GSKIP: variants seen among roughly 807,000 people sequenced by gnomAD.
The protein encoded by GSKIP is GSK3B-interacting protein.
In GSKIP, 5 loss-of-function variants were observed where a neutral mutation model predicts 11.9. The ratio of observed to expected loss-of-function variants is 0.42; its 90% confidence interval spans 0.22 to 0.89. The LOEUF is 0.89. Among genes scored for constraint, GSKIP ranks in the 40% least tolerant of loss-of-function variants. The probability of loss-of-function intolerance (pLI) is 0.29; values close to 1 mark genes in which losing one functional copy is unlikely to be tolerated. For missense variants in GSKIP, 150 were observed against 166.6 expected (o/e 0.90, Z 0.55); for synonymous variants, 70 against 62.9 (o/e 1.11, Z -0.54).
intron 1 of GSKIP, among the ~76,000 whole-genome samples, chr14:96,372,685 C>G (rs868697545): frequency 1.3e-5 from 2 of 152,150 alleles, no homozygotes; most frequent in East Asian, 3.9e-4. Context: ...GCCTGTTGCC[C>G]TATTGTATTG....
At chr14:96,378,664 C>CT (rs1889265916) in intron 1 of GSKIP, among the ~76,000 whole-genome samples, 1 of 152,180 alleles carries the variant, frequency 6.6e-6, no homozygotes. Context: ...TTATTAAGCA[C>CT]TTTCTACATG....
At chr14:96,381,922 T>G (rs1371399271) in intron 2 of GSKIP, among the ~76,000 whole-genome samples, 3 of 152,188 alleles carry the variant, frequency 2.0e-5, no homozygotes, top group Admixed American at 6.5e-5. Context: ...AATTATACAT[T>G]TAAAAATATG....
chr14:96,375,159 C>CA (rs1266395090), intron 1 of GSKIP, among the ~76,000 whole-genome samples: 1 of 151,576 alleles, frequency 6.6e-6, no homozygotes, highest in East Asian at 1.9e-4. Flanking sequence ...AAAAACACAA[C>CA]AAAAAATATC....
rs1889507414 is a variant in GSKIP at position 96,386,965 on chromosome 14, A to T, written c.*1281A>T. On this transcript the variant is annotated 3_prime_UTR_variant, in exon 4 of 4. Transcript: ENST00000555181. ...GCAGATATTTTTCCATCATTATTAA[A>T]AAACAGGAACTTTTAGGCTCTGAAG... The T allele has an allele frequency of 1.3e-5, 2 of 152,342 alleles. No individual in the cohort carries two copies. The highest frequency in any genetic ancestry group is 4.8e-5 in the African/African-American group (2 of 41,448). 9.4% of individuals were successfully genotyped at this position (152,342 alleles called of 1,614,324 possible). A position where few individuals can be genotyped will look rare whatever the true frequency, so the allele number is the denominator to read the frequency against.
intron 1 of GSKIP, among the ~76,000 whole-genome samples, chr14:96,376,393 A>G (rs1566744154): frequency 6.6e-6 from 1 of 152,146 alleles, no homozygotes; most frequent in Non-Finnish European, 1.5e-5. Flanking sequence ...TTGCTTATTT[A>G]TAACTCTTTA....
At chr14:96,364,421 G>C (rs191963808) in intron 1 of GSKIP, 9 of 152,332 alleles carry the variant, frequency 5.9e-5, no homozygotes, top group African/African-American at 2.2e-4. Context: ...AGTAGGGCAC[G>C]AACCTGAACA....
intron 1 of GSKIP, chr14:96,364,471 AGAC>A (rs1413514008): frequency 6.6e-6 from 1 of 152,262 alleles, no homozygotes; most frequent in African/African-American, 2.4e-5. Context: ...CAGTGAATTA[AGAC>A]GACCAGTTTA....
In GSKIP at chr14:96,386,317, CCAA is replaced by C. The variant is rs2139947741; in HGVS notation, c.*635_*637del. 6.6e-6 allele frequency: 1 copy of C among 152,644 alleles called. No homozygotes were observed. Among genetic ancestry groups the C allele is most frequent in the African/African-American group, 2.4e-5 (1 of 41,550 alleles). The allele number at this position is 152,644 out of a possible 1,614,324, so 9.5% of individuals were successfully genotyped here. ...TGTATTCCGTGTTTGCAACAGCCAG[CCAA>C]CTAAGCAGAGGATAAACCGTTAGCA... On this transcript the variant is annotated 3_prime_UTR_variant, in exon 4 of 4. Transcript: ENST00000555181.
intron 2 of GSKIP, among the ~76,000 whole-genome samples, chr14:96,380,911 C>A (rs761205997): frequency 6.6e-6 from 1 of 152,172 alleles, no homozygotes; most frequent in Non-Finnish European, 1.5e-5. Flanking sequence ...TAATCTAACT[C>A]CAGTGTGGTG....
At chr14:96,382,109 A>T (rs1889359256) in intron 2 of GSKIP, 138 bp from the exon 3 acceptor site, 1 of 537,082 alleles carries the variant, frequency 1.9e-6, no homozygotes, top group African/African-American at 1.9e-5. Flanking sequence ...GTTTTTAGAT[A>T]GTATTTTTCC....
At chr14:96,369,945 T>C (rs555652711) in intron 1 of GSKIP, among the ~76,000 whole-genome samples, 1 of 152,268 alleles carries the variant, frequency 6.6e-6, no homozygotes, top group African/African-American at 2.4e-5. Flanking sequence ...CTCCAACTCA[T>C]GAGAGCAGCC....
intron 3 of GSKIP, among the ~76,000 whole-genome samples, chr14:96,385,076 A>G (rs1889454406): frequency 6.6e-6 from 1 of 152,314 alleles, no homozygotes; most frequent in Non-Finnish European, 1.5e-5. Flanking sequence ...TGAAAAAAAT[A>G]TGAACTAATG....
In GSKIP at chr14:96,382,546, C is replaced by A. The variant is rs367934585; in HGVS notation, c.258+41C>A. ...TTTTAGAAAAAAAAATTATTTATGT[C>A]TTTACCACTTTATCAAAAAGAGGGG... On this transcript the variant is annotated intron_variant, in intron 3 of 3. Transcript: ENST00000555181. The A allele has an allele frequency of 2.6e-5, 38 of 1,480,680 alleles. No homozygotes were observed. The African/African-American group carries it at 5.1e-4, about 20-fold the overall frequency. 91.7% of individuals were successfully genotyped at this position (1,480,680 alleles called of 1,614,324 possible).
intron 1 of GSKIP, among the ~76,000 whole-genome samples, chr14:96,373,613 G>A (rs902548947): frequency 1.3e-5 from 2 of 149,922 alleles, no homozygotes; most frequent in East Asian, 3.9e-4. Flanking sequence ...AAAAAAAAAA[G>A]AATTACAGGA....
At chr14:96,369,879 A>G (rs970069125) in intron 1 of GSKIP, among the ~76,000 whole-genome samples, 1 of 152,122 alleles carries the variant, frequency 6.6e-6, no homozygotes, top group African/African-American at 2.4e-5. Context: ...GGACCACAGA[A>G]TTGCACAGCC....
At chr14:96,367,632 G>A (rs966692391) in intron 1 of GSKIP, among the ~76,000 whole-genome samples, 5 of 152,024 alleles carry the variant, frequency 3.3e-5, no homozygotes, top group Admixed American at 6.6e-5. Context: ...CTCTGAACTC[G>A]TAATGAAACA....
At chr14:96,367,877 A>G (rs2139927595) in intron 1 of GSKIP, among the ~76,000 whole-genome samples, 1 of 152,316 alleles carries the variant, frequency 6.6e-6, no homozygotes, top group Non-Finnish European at 1.5e-5. Context: ...AAGTATTCCA[A>G]TTTTTGTCTC....
chr14:96,366,151 C>T (rs1595343902), intron 1 of GSKIP, among the ~76,000 whole-genome samples: 1 of 151,930 alleles, frequency 6.6e-6, no homozygotes, highest in South Asian at 2.1e-4. Context: ...AAAAGGAATA[C>T]AAACAAGGTG....
At chr14:96,369,855 C>T (rs1184879121) in intron 1 of GSKIP, among the ~76,000 whole-genome samples, 2 of 152,122 alleles carry the variant, frequency 1.3e-5, no homozygotes, top group Non-Finnish European at 2.9e-5. Context: ...CCTAGTAGAA[C>T]AGGGATGCCA....
Sources: allele counts gnomAD v4.1 joint callset (sites outside exome capture counted in the v4.1 genomes callset), GRCh38; gene constraint gnomAD v4.1.1; transcripts MANE v1.5; gene names NCBI Gene and HGNC (gene_info 2026-07-23, HGNC 2026-07-21).